The following THBS1 variants were observed in gnomAD, a reference collection of about 807,000 sequenced individuals.
THBS1 encodes thrombospondin 1.
Under a neutral mutation model 126.1 loss-of-function variants are expected in THBS1, and 29 were observed. That is an observed-to-expected ratio of 0.23 (90% CI 0.17 to 0.31). THBS1 has a LOEUF of 0.31. Among genes scored for constraint, THBS1 ranks in the 10% least tolerant of loss-of-function variants. THBS1 has a pLI of 1.00. For missense variants in THBS1, 1,198 were observed against 1,545.2 expected, an observed-to-expected ratio of 0.78 and a Z score of 3.77; for synonymous variants, 496 against 577.8, an observed-to-expected ratio of 0.86 and a Z score of 2.03.
intron 14 of THBS1, 58 bp downstream of exon 14, chr15:39,590,681 C>T (rs890612160): frequency 1.4e-6 from 2 of 1,428,358 alleles, no homozygotes; most frequent in Admixed American, 3.6e-5. Context: ...GCCTGAAACA[C>T]TTTGGGATTC....
rs750989088 is a variant in THBS1 at position 39,588,181 on chromosome 15, G to A, written c.1434G>A (p.Ala478=). The A allele has an allele frequency of 1.7e-5, 28 of 1,614,018 alleles. No homozygotes were observed. The highest frequency in any genetic ancestry group is 8.9e-5 in the East Asian group (4 of 44,890). Residue 478 remains alanine (A), a synonymous_variant, in exon 9 of 22, where the codon GCG becomes GCA. Coordinates refer to ENST00000260356, the MANE Select transcript of THBS1 (RefSeq NM_003246.4). ...ACGGGAAACCCTGTGAAGGCGAAGC[G>A]CGGGAGACCAAAGCCTGCAAGAAAG... ...QMNGKPCEGE[A]RETKACKKDA...
Position 39,595,390 on chromosome 15 carries a change from A to G in THBS1, c.*21A>G, listed in dbSNP as rs779226762. On this transcript the variant is annotated 3_prime_UTR_variant, in exon 22 of 22. Transcript: ENST00000260356. ...CCTAATCATCAAATTGTTGATTGAA[A>G]GACTGATCATAAACCAATGCTGGTA... The G allele has an allele frequency of 1.3e-6, 2 of 1,498,344 alleles. No individual in the cohort carries two copies. Among genetic ancestry groups the G allele is most frequent in the South Asian group, 2.9e-5 (2 of 69,902 alleles). 92.8% of individuals were successfully genotyped at this position (1,498,344 alleles called of 1,614,324 possible). A position where few individuals can be genotyped will look rare whatever the true frequency, so the allele number is the denominator to read the frequency against.
chr15:39,588,487 G>T, intron 9 of THBS1, 39 bp from the exon 10 acceptor site: 1 of 1,522,422 alleles, frequency 6.6e-7, no homozygotes. Context: ...GGATTTGAAA[G>T]TTGATCTTAA....
Position 39,595,892 on chromosome 15 carries a change from C to T in THBS1, c.*523C>T, listed in dbSNP as rs777229141. The T allele has an allele frequency of 4.2e-5, 19 of 455,962 alleles. 1 individual carries two copies. The highest frequency in any genetic ancestry group is 2.9e-4 in the South Asian group (19 of 64,546). 28.2% of individuals were successfully genotyped at this position (455,962 alleles called of 1,614,324 possible). Reference sequence around the variant, plus strand: ...AAATATGGAGGAACTGTTACATGTTCGGTACTAAGTCATTTTCAGGGGATT... The same window carrying T: ...AAATATGGAGGAACTGTTACATGTTTGGTACTAAGTCATTTTCAGGGGATT... On this transcript the variant is annotated 3_prime_UTR_variant, in exon 22 of 22. Coordinates refer to ENST00000260356, the MANE Select transcript of THBS1 (RefSeq NM_003246.4).
rs773041515 is a variant in THBS1 at position 39,591,628 on chromosome 15, G to T, written c.2532+5G>T. The T allele has an allele frequency of 3.2e-5, 51 of 1,610,298 alleles. No individual in the cohort carries two copies. Among genetic ancestry groups the T allele is most frequent in the Non-Finnish European group, 4.3e-5 (51 of 1,176,568 alleles). On this transcript the variant is annotated splice_donor_5th_base_variant and intron_variant, in intron 16 of 21. Transcript: ENST00000260356. ...TTGGAACACAATCCGGATCAGGTAG[G>T]TGGATGGACTCCTTTCAGAGTCTTT...
Position 39,589,040 on chromosome 15 carries a change from C to G in THBS1, c.1727C>G (p.Pro576Arg). Residue 576 changes from proline (P) to arginine (R), a missense_variant, in exon 11 of 22, where the codon CCC (proline) becomes CGC (arginine). By Grantham distance (103) the Pro-to-Arg change is moderately radical (BLOSUM62 -2). This residue lies in a region of THBS1 where 663 missense variants were observed against 860.1 expected (regional missense o/e 0.77). Transcript: ENST00000260356. The surrounding 1 kb of genome is among the most constrained non-coding windows in gnomAD (Gnocchi z 4.7). ...GGCAGCTGGAAATGTGGTGCTTGTC[C>G]CCCTGGTTACAGTGGAAATGGCATC... ...PDGSWKCGACPPGYSGNGIQC... is the reference protein window; with the variant it reads ...PDGSWKCGACRPGYSGNGIQC... 1 of 1,614,118 alleles carries G rather than the reference C, an allele frequency of 6.2e-7. No homozygotes were observed. The highest frequency in any genetic ancestry group is 1.1e-5 in the South Asian group (1 of 91,076).
Position 39,593,975 on chromosome 15 carries a change from C to G in THBS1, c.3268-124C>G. ...AAATATGAGAGGACTTGGAAAAATTCCCCATTGCAGCCCTCTAACTTAGAT... is the reference window on the plus strand; with the variant it reads ...AAATATGAGAGGACTTGGAAAAATTGCCCATTGCAGCCCTCTAACTTAGAT... On this transcript the variant is annotated intron_variant, in intron 19 of 21. Transcript: ENST00000260356. This position sits in a 1 kb window ranked among gnomAD's most constrained non-coding sequence, Gnocchi z 5.9. 9.5e-7 allele frequency: 1 copy of G among 1,057,248 alleles called. No individual in the cohort carries two copies. The highest frequency in any genetic ancestry group is 1.3e-6 in the Non-Finnish European group (1 of 741,236). The allele number at this position is 1,057,248 out of a possible 1,614,324, so 65.5% of individuals were successfully genotyped here. A position where few individuals can be genotyped will look rare whatever the true frequency, so the allele number is the denominator to read the frequency against.
Position 39,581,805 on chromosome 15 carries a change from C to T in THBS1, c.-29-24C>T, listed in dbSNP as rs1278779818. The stretch of plus-strand genomic sequence containing the variant: ...CCCTGCCTAGCTGATCTCTGACCCT[C>T]GGCTCTTGTGCTTCCTGCTACAGGA... On this transcript the variant is annotated intron_variant, in intron 1 of 21. Coordinates refer to ENST00000260356, the MANE Select transcript of THBS1 (RefSeq NM_003246.4). 1.7e-5 allele frequency: 26 copies of T among 1,529,480 alleles called. No homozygotes were observed. In the Admixed American group the frequency reaches 3.9e-4, roughly 23 times the overall value. 94.7% of individuals were successfully genotyped at this position (1,529,480 alleles called of 1,614,324 possible).
In THBS1 at chr15:39,594,519, T is replaced by C; in HGVS notation, c.3505+79T>C. The stretch of plus-strand genomic sequence containing the variant: ...ATCAAGGATGACGGTTATGGGGGAG[T>C]CCAGTGTAAAGACTGTTTTGGAGAC... On this transcript the variant is annotated intron_variant, in intron 21 of 21. Coordinates refer to ENST00000260356, the MANE Select transcript of THBS1 (RefSeq NM_003246.4). The surrounding 1 kb of genome is among the most constrained non-coding windows in gnomAD (Gnocchi z 4.4). The C allele has an allele frequency of 1.3e-6, 2 of 1,552,140 alleles. No individual in the cohort carries two copies. The highest frequency in any genetic ancestry group is 1.4e-5 in the African/African-American group (1 of 72,878).
rs1453836766 is a variant in THBS1 at position 39,597,623 on chromosome 15, G to C, written c.*2254G>C. On this transcript the variant is annotated 3_prime_UTR_variant, in exon 22 of 22. Coordinates refer to ENST00000260356, the MANE Select transcript of THBS1 (RefSeq NM_003246.4). ...GTATGTGATTGAGAAAGACTGAGTT[G>C]CTCAGGCCTAGGCTTAGAATTTGCT... 6.6e-6 allele frequency: 1 copy of C among 152,100 alleles called. No individual in the cohort carries two copies. Among genetic ancestry groups the C allele is most frequent in the Admixed American group, 6.5e-5 (1 of 15,272 alleles). The allele number at this position is 152,100 out of a possible 1,614,324, so 9.4% of individuals were successfully genotyped here.
rs765198737 is a variant in THBS1 at position 39,582,671 on chromosome 15, C to T, written c.546C>T (p.Pro182=). 2 of 1,613,692 alleles carry T rather than the reference C, an allele frequency of 1.2e-6. No homozygotes were observed. The highest frequency in any genetic ancestry group is 2.7e-5 in the African/African-American group (2 of 75,058). The change falls in exon 3 of 22, where the codon CCC becomes CCT. Residue 182 remains proline, a synonymous_variant. Transcript: ENST00000260356. ...EKMENAELDV[P]IQSVFTRDLA... ...TGGAGAATGCTGAGTTGGACGTCCC[C>T]ATCCAAAGCGTCTTCACCAGAGACC...
chr15:39,587,472 T>G lies in THBS1; in HGVS notation c.1246T>G (p.Ser416Ala). Residue 416 changes from serine to alanine, a missense_variant, in exon 8 of 22, where the codon TCC (serine) becomes GCC (alanine). Physicochemically the swap from Ser to Ala is moderately conservative, Grantham distance 99. This residue lies in a region of THBS1 where 663 missense variants were observed against 860.1 expected (regional missense o/e 0.77). Coordinates refer to ENST00000260356, the MANE Select transcript of THBS1 (RefSeq NM_003246.4). Reference protein sequence around the residue: ...CDSLNNRCEGSSVQTRTCHIQ... With the variant: ...CDSLNNRCEGASVQTRTCHIQ... ...TAGCCTCAACAACCGATGTGAGGGC[T>G]CCTCGGTCCAGACACGGACCTGCCA... 2 of 1,613,650 alleles carry G rather than the reference T, an allele frequency of 1.2e-6. No homozygotes were observed. The highest frequency in any genetic ancestry group is 1.7e-6 in the Non-Finnish European group (2 of 1,179,928).
rs1451717258 is a variant in THBS1 at position 39,594,794 on chromosome 15, C to T, written c.3505+354C>T. 1.3e-5 allele frequency among the ~76,000 whole-genome samples: 2 copies of T among 152,220 alleles called. No individual in the cohort carries two copies. Among genetic ancestry groups the T allele is most frequent in the African/African-American group, 4.8e-5 (2 of 41,460 alleles). ...GCTTATTGTTTTATGCATGCCATCA[C>T]AGCACGAGTTAGCATTCCCAACTTT... On this transcript the variant is annotated intron_variant, in intron 21 of 21. Coordinates refer to ENST00000260356, the MANE Select transcript of THBS1 (RefSeq NM_003246.4). The surrounding 1 kb of genome is among the most constrained non-coding windows in gnomAD (Gnocchi z 4.4).
intron 3 of THBS1, 26 bp downstream of exon 3, chr15:39,582,778 T>G (rs1890137968): frequency 1.9e-6 from 3 of 1,576,838 alleles, no homozygotes; most frequent in African/African-American, 2.7e-5. Context: ...TGAGCCCTGC[T>G]CCGTGGGATC....
In THBS1 at chr15:39,582,318, A is replaced by C; in HGVS notation, c.193A>C (p.Asn65His). The C allele has an allele frequency of 6.2e-7, 1 of 1,614,186 alleles. No individual in the cohort carries two copies. The highest frequency in any genetic ancestry group is 8.5e-7 in the Non-Finnish European group (1 of 1,180,028). The stretch of plus-strand genomic sequence containing the variant: ...CCCAGCTTTCCGCATCGAGGATGCC[A>C]ACCTGATCCCCCCTGTGCCTGATGA... ...SSPAFRIEDA[N>H]LIPPVPDDKF... Residue 65 changes from asparagine to histidine, a missense_variant, in exon 3 of 22, where the codon AAC (asparagine) becomes CAC (histidine). Asn to His is a moderately conservative substitution (Grantham distance 68). Coordinates refer to ENST00000260356, the MANE Select transcript of THBS1 (RefSeq NM_003246.4).
In THBS1 at chr15:39,594,717, G is replaced by C. The variant is rs1292619338; in HGVS notation, c.3505+277G>C. On this transcript the variant is annotated intron_variant, in intron 21 of 21. Transcript: ENST00000260356. This position sits in a 1 kb window ranked among gnomAD's most constrained non-coding sequence, Gnocchi z 4.4. Reference sequence around the variant, plus strand: ...CTGCAGAAAAGCTCCTATATAATTTGGACTTCATTAATAATACTGTTCTTT... The same window carrying C: ...CTGCAGAAAAGCTCCTATATAATTTCGACTTCATTAATAATACTGTTCTTT... Among the ~76,000 whole-genome samples, 1 of 152,068 alleles carries C rather than the reference G, an allele frequency of 6.6e-6. No homozygotes were observed. The highest frequency in any genetic ancestry group is 1.5e-5 in the Non-Finnish European group (1 of 68,016).
At chr15:39,583,729 CAG>C (rs749870053) in intron 4 of THBS1, 37 bp downstream of exon 4, 273 of 1,589,016 alleles carry the variant, frequency 1.7e-4, no homozygotes, top group Middle Eastern at 5.0e-4. Context: ...CATAGGGAAT[CAG>C]GGGGAATTCC....
intron 1 of THBS1, 87 bp from the exon 2 acceptor site, chr15:39,581,742 T>G: frequency 1.3e-6 from 1 of 761,396 alleles, no homozygotes; most frequent in South Asian, 1.7e-5. Context: ...GTCCCGGCCC[T>G]GTCCCCATGC....
chr15:39,587,486 A>G lies in THBS1; in HGVS notation c.1260A>G (p.Thr420=), dbSNP rs911635624. The G allele has an allele frequency of 9.9e-6, 16 of 1,613,072 alleles. No individual in the cohort carries two copies. The African/African-American group carries it at 2.1e-4, about 22-fold the overall frequency. ...NNRCEGSSVQ[T]RTCHIQECDK... is the part of the protein sequence containing the mutation. ...GATGTGAGGGCTCCTCGGTCCAGAC[A>G]CGGACCTGCCACATTCAGGAGTGTG... Residue 420 remains threonine (T), a synonymous_variant, in exon 8 of 22, where the codon ACA becomes ACG. Transcript: ENST00000260356.
Sources: gnomAD v4.1 joint callset for allele counts (sites outside exome capture counted in the v4.1 genomes callset) on GRCh38, gnomAD v4.1.1 for gene constraint, gnomAD v4.1.1 regional missense constraint, Gnocchi (gnomAD v3.1) non-coding constraint, MANE v1.5 for transcripts, NCBI Gene and HGNC (gene_info 2026-07-23, HGNC 2026-07-21) for gene names.